The following CPXM2 variants were observed in gnomAD, a reference collection of about 807,000 sequenced individuals.
CPXM2 encodes inactive carboxypeptidase-like protein X2.
A neutral mutation model predicts 86.1 loss-of-function variants in CPXM2; 66 were observed. The observed-to-expected ratio is 0.77, with a 90% confidence interval of 0.63 to 0.94. The LOEUF (loss-of-function observed/expected upper bound fraction) is 0.94. Ranked by LOEUF, CPXM2 falls within the 40% of genes least tolerant of loss-of-function variation. The pLI is 0.00. For synonymous variants in CPXM2, 388 were observed against 400.2 expected (o/e 0.97, Z 0.36); for missense variants, 948 against 1,026.3 (o/e 0.92, Z 1.04).
chr10:123,759,405 G>A (rs1186532906), intron 11 of CPXM2, among the ~76,000 whole-genome samples: 2 of 152,192 alleles, frequency 1.3e-5, no homozygotes, highest in Non-Finnish European at 2.9e-5. Context: ...TGCAATATGT[G>A]TCTTCAGAGC....
At chr10:123,905,284 C>T (rs778145871) in intron 2 of CPXM2, among the ~76,000 whole-genome samples, 4 of 152,204 alleles carry the variant, frequency 2.6e-5, no homozygotes, top group Admixed American at 6.5e-5. Flanking sequence ...AGGCCTTCCG[C>T]GAGCAGCTTG....
At chr10:123,886,780 T>C (rs1165999766) in intron 1 of CPXM2, among the ~76,000 whole-genome samples, 7 of 152,198 alleles carry the variant, frequency 4.6e-5, no homozygotes, top group African/African-American at 1.7e-4. Context: ...TAGTTCAGCT[T>C]ATTATTTGAT....
chr10:123,863,880 G>A lies in CPXM2; in HGVS notation c.404-1157C>T, dbSNP rs141158054. ...CTCAGGACAATGGGCCCCTGCTGTC[G>A]GATGCCATTCGCCTCTTGGAGCTCA... is the stretch of plus-strand genomic sequence containing the variant. On this transcript the variant is annotated intron_variant, in intron 2 of 13. Coordinates refer to ENST00000241305, the MANE Select transcript of CPXM2 (RefSeq NM_198148.3). Among the ~76,000 whole-genome samples, 50 of 152,276 alleles carry A rather than the reference G, an allele frequency of 3.3e-4. No individual in the cohort carries two copies. In the East Asian group the frequency reaches 4.3e-3, roughly 13 times the overall value.
At chr10:123,751,431 G>T in intron 13 of CPXM2, 1 of 858,308 alleles carries the variant, frequency 1.2e-6, no homozygotes, top group Non-Finnish European at 1.4e-6. Flanking sequence ...AAAACGTCCT[G>T]ACCTTCTAAG....
At chr10:123,918,701 A>G (rs1290116882) in intron 2 of CPXM2, among the ~76,000 whole-genome samples, 1 of 152,138 alleles carries the variant, frequency 6.6e-6, no homozygotes, top group East Asian at 1.9e-4. Flanking sequence ...GCCCTGTCCC[A>G]AGGCAATCCC....
chr10:123,788,212 A>G (rs2134044796), intron 6 of CPXM2, among the ~76,000 whole-genome samples: 1 of 150,618 alleles, frequency 6.6e-6, no homozygotes, highest in African/African-American at 2.4e-5. Context: ...CCCCAGAGGC[A>G]GAAGTTGCAG....
intron 2 of CPXM2, among the ~76,000 whole-genome samples, chr10:123,903,770 C>T (rs1427805064): frequency 6.6e-6 from 1 of 152,232 alleles, no homozygotes; most frequent in Non-Finnish European, 1.5e-5. Flanking sequence ...CAACAGATCT[C>T]GTTCTCAAAG....
intron 6 of CPXM2, among the ~76,000 whole-genome samples, chr10:123,781,778 G>C (rs1400830234): frequency 6.6e-6 from 1 of 152,166 alleles, no homozygotes; most frequent in African/African-American, 2.4e-5. Context: ...GATCCCAGCT[G>C]GCTCTGCAGA....
At chr10:123,928,401 T>G (rs1398307158) in intron 2 of CPXM2, among the ~76,000 whole-genome samples, 1 of 152,260 alleles carries the variant, frequency 6.6e-6, no homozygotes, top group Non-Finnish European at 1.5e-5. Context: ...ATGTGAATTA[T>G]GTCTCAACAA....
At chr10:123,878,381 C>T (rs751041698) in intron 2 of CPXM2, among the ~76,000 whole-genome samples, 14 of 145,288 alleles carry the variant, frequency 9.6e-5, no homozygotes, top group Non-Finnish European at 1.6e-4. Context: ...GAACCAGAGC[C>T]GTGATGGCTG....
chr10:123,923,168 A>C (rs1945590722), intron 2 of CPXM2, among the ~76,000 whole-genome samples: 1 of 152,074 alleles, frequency 6.6e-6, no homozygotes, highest in Non-Finnish European at 1.5e-5. Flanking sequence ...TGCGTTCTTC[A>C]AAAAGTTGAT....
chr10:123,815,797 G>A (rs961979841), intron 4 of CPXM2, among the ~76,000 whole-genome samples: 21 of 152,140 alleles, frequency 1.4e-4, no homozygotes, highest in Non-Finnish European at 2.8e-4. Flanking sequence ...CACCAGACTC[G>A]AAAATACTGC....
chr10:123,890,476 G>T (rs962585757), intron 1 of CPXM2, among the ~76,000 whole-genome samples: 2 of 152,198 alleles, frequency 1.3e-5, no homozygotes, highest in Non-Finnish European at 2.9e-5. Flanking sequence ...TGTAACGGTG[G>T]CACCCGCACG....
At chr10:123,762,388 C>T (rs912095336) in intron 10 of CPXM2, among the ~76,000 whole-genome samples, 3 of 152,112 alleles carry the variant, frequency 2.0e-5, no homozygotes, top group African/African-American at 7.2e-5. Context: ...ATTTAAACAA[C>T]CTTGGGGAGG....
chr10:123,814,425 C>G (rs1847767868), intron 4 of CPXM2, among the ~76,000 whole-genome samples: 1 of 152,180 alleles, frequency 6.6e-6, no homozygotes, highest in Non-Finnish European at 1.5e-5. Flanking sequence ...ACTGGCTTTC[C>G]TTGATCCTCA....
At chr10:123,780,913 A>G (rs1276061981) in intron 6 of CPXM2, among the ~76,000 whole-genome samples, 2 of 152,198 alleles carry the variant, frequency 1.3e-5, no homozygotes, top group Non-Finnish European at 2.9e-5. Context: ...CTTGACTGAC[A>G]CAGAGGAGGA....
chr10:123,819,036 CACA>C (rs1360345062), intron 4 of CPXM2, among the ~76,000 whole-genome samples: 1 of 152,038 alleles, frequency 6.6e-6, no homozygotes, highest in African/African-American at 2.4e-5. Flanking sequence ...CACCAGGAGA[CACA>C]ACAATTCCAT....
upstream of CPXM2, among the ~76,000 whole-genome samples, chr10:123,894,010 G>A (rs1251083573): frequency 6.6e-6 from 1 of 152,208 alleles, no homozygotes; most frequent in African/African-American, 2.4e-5. Flanking sequence ...GCATATCTAA[G>A]AAGTTCCTCA....
intron 2 of CPXM2, among the ~76,000 whole-genome samples, chr10:123,870,207 T>A (rs1448548176): frequency 6.6e-6 from 1 of 152,000 alleles, no homozygotes; most frequent in Non-Finnish European, 1.5e-5. Context: ...GTGTCTTGAG[T>A]TATAAAATCT....
Sources: allele counts gnomAD v4.1 joint callset (sites outside exome capture counted in the v4.1 genomes callset), GRCh38; gene constraint gnomAD v4.1.1; transcripts MANE v1.5; gene names NCBI Gene and HGNC (gene_info 2026-07-23, HGNC 2026-07-21).